Variants in LARGE1 observed in about 807,000 individuals in gnomAD.
The protein encoded by LARGE1 is xylosyl- and glucuronyltransferase LARGE1.
A neutral mutation model predicts 87.6 loss-of-function variants in LARGE1; 43 were observed. The ratio of observed to expected loss-of-function variants is 0.49; its 90% confidence interval spans 0.38 to 0.63. LARGE1 has a LOEUF of 0.63. Ranked by LOEUF, LARGE1 falls within the 30% of genes least tolerant of loss-of-function variation. The pLI is 0.00. For synonymous variants in LARGE1, 434 were observed against 394.6 expected (o/e 1.10, Z -1.18); for missense variants, 802 against 1,000.2 (o/e 0.80, Z 2.67).
intron 7 of LARGE1, among the ~76,000 whole-genome samples, chr22:33,403,706 C>G (rs1016247043): frequency 6.6e-6 from 1 of 151,986 alleles, no homozygotes. Context: ...TGGGTTCAAG[C>G]GATTCTCCTG....
At chr22:33,536,694 T>C in intron 6 of LARGE1, among the ~76,000 whole-genome samples, 1 of 152,262 alleles carries the variant, frequency 6.6e-6, no homozygotes, top group East Asian at 1.9e-4. Context: ...GAAGGAGGTT[T>C]ACCCGATGAG....
chr22:33,100,337 G>A, the LARGE1 span, among the ~76,000 whole-genome samples: 3 of 132,586 alleles, frequency 2.3e-5, no homozygotes, highest in East Asian at 2.5e-4. Context: ...GTGATAGAAT[G>A]GGACTCCATC....
chr22:33,649,289 A>C (rs1025523516), intron 3 of LARGE1, among the ~76,000 whole-genome samples: 8 of 152,162 alleles, frequency 5.3e-5, no homozygotes, highest in African/African-American at 1.7e-4. Flanking sequence ...GTCTCATTGG[A>C]TAGTATCACC....
rs1361106062 is a variant in LARGE1 at position 33,709,628 on chromosome 22, CT to C, written c.106+51742del. Among the ~76,000 whole-genome samples the C allele has an allele frequency of 2.8e-3, 387 of 139,178 alleles. 1 individual carries two copies. The highest frequency in any genetic ancestry group is 3.2e-3 in the African/African-American group (119 of 37,074). The allele number at this position is 139,178 out of a possible 152,430, so 91.3% of individuals were successfully genotyped here. A position where few individuals can be genotyped will look rare whatever the true frequency, so the allele number is the denominator to read the frequency against. ...TACTCTCCATTTTAATTCTTTAATT[CT>C]TTTTTTTTTTTTTTGAGACGGAGTC... On this transcript the variant is annotated intron_variant, in intron 2 of 14. Transcript: ENST00000397394.
At chr22:33,120,894 G>A in the LARGE1 span, among the ~76,000 whole-genome samples, 1 of 151,990 alleles carries the variant, frequency 6.6e-6, no homozygotes, top group African/African-American at 2.4e-5. Flanking sequence ...TTATGCAGGG[G>A]CTCATCTTTG....
chr22:33,163,146 A>T (rs537927160), exon 12 of LARGE1: 1 of 152,370 alleles, frequency 6.6e-6, no homozygotes, highest in South Asian at 2.1e-4. Context: ...GATGCATCAT[A>T]TAAATTATCA....
intron 2 of LARGE1, among the ~76,000 whole-genome samples, chr22:33,748,111 G>A (rs1328757441): frequency 6.7e-6 from 1 of 148,334 alleles, no homozygotes; most frequent in Non-Finnish European, 1.5e-5. Flanking sequence ...GCATGGCCAG[G>A]GTTCTTCCTA....
intron 6 of LARGE1, among the ~76,000 whole-genome samples, chr22:33,464,885 A>G (rs1601957359): frequency 1.3e-5 from 1 of 79,534 alleles, no homozygotes; most frequent in African/African-American, 8.6e-5. Flanking sequence ...ACACACATGC[A>G]CACACATACA....
Position 33,553,815 on chromosome 22 carries a change from A to G in LARGE1, c.787+11033T>C, listed in dbSNP as rs547221619. Among the ~76,000 whole-genome samples the G allele has an allele frequency of 2.0e-5, 3 of 152,194 alleles. No homozygotes were observed. The South Asian group carries it at 6.2e-4, about 32-fold the overall frequency. Reference sequence around the variant, plus strand: ...TGGGAAAGGGAGTGGGGAAAGAAACATCTCACATCTACCTCCAGAGATGTC... The same window carrying G: ...TGGGAAAGGGAGTGGGGAAAGAAACGTCTCACATCTACCTCCAGAGATGTC... On this transcript the variant is annotated intron_variant, in intron 6 of 14. Transcript: ENST00000397394.
At chr22:33,560,737 G>T (rs1178907038) in intron 6 of LARGE1, among the ~76,000 whole-genome samples, 2 of 152,130 alleles carry the variant, frequency 1.3e-5, no homozygotes, top group Admixed American at 6.6e-5. Flanking sequence ...AAGCCGTATG[G>T]ATTGGGGTTC....
chr22:33,583,805 G>C (rs1426628238), intron 5 of LARGE1, among the ~76,000 whole-genome samples: 1 of 152,118 alleles, frequency 6.6e-6, no homozygotes, highest in Non-Finnish European at 1.5e-5. Context: ...TCCCCCATAA[G>C]AACACACTTT....
At chr22:33,438,739 G>A (rs919319567) in intron 6 of LARGE1, among the ~76,000 whole-genome samples, 4 of 152,222 alleles carry the variant, frequency 2.6e-5, no homozygotes, top group African/African-American at 9.6e-5. Flanking sequence ...GTATAAAGAA[G>A]GCAGCATGAT....
intron 1 of LARGE1, among the ~76,000 whole-genome samples, chr22:33,918,479 G>C (rs1043295333): frequency 2.8e-4 from 42 of 152,206 alleles, no homozygotes; most frequent in Admixed American, 1.2e-3. Context: ...CTCGATAAAT[G>C]TGTTCTCCAC....
chr22:33,382,107 T>G, intron 8 of LARGE1, 63 bp from the exon 9 acceptor site: 2 of 1,607,034 alleles, frequency 1.2e-6, no homozygotes, highest in Admixed American at 3.3e-5. Context: ...CCATTTTGGC[T>G]CTCAAGGCAC....
chr22:33,464,130 T>C (rs538681691), intron 6 of LARGE1, among the ~76,000 whole-genome samples: 1 of 152,202 alleles, frequency 6.6e-6, no homozygotes, highest in African/African-American at 2.4e-5. Flanking sequence ...CCAATGGAAC[T>C]TATTCATTCA....
chr22:33,239,924 A>G lies in LARGE1; in HGVS notation c.1730+64305T>C, dbSNP rs558976491. Among the ~76,000 whole-genome samples the G allele has an allele frequency of 3.3e-5, 5 of 152,304 alleles. No individual in the cohort carries two copies. The South Asian group carries it at 1.0e-3, about 32-fold the overall frequency. On this transcript the variant is annotated intron_variant, in intron 11 of 11. Coordinates refer to the LARGE1 transcript ENST00000608642. Reference sequence around the variant, plus strand: ...CTAGCACTAATCTTATGTCAGTTAAATGCATAGCAAATATCTCCTGACGTG... The same window carrying G: ...CTAGCACTAATCTTATGTCAGTTAAGTGCATAGCAAATATCTCCTGACGTG...
chr22:33,471,608 A>C (rs1045431836), intron 6 of LARGE1, among the ~76,000 whole-genome samples: 1 of 152,090 alleles, frequency 6.6e-6, no homozygotes, highest in Non-Finnish European at 1.5e-5. Context: ...ATGCTGAATA[A>C]CTGGTTGGGA....
chr22:33,068,360 T>G, the LARGE1 span, among the ~76,000 whole-genome samples: 35 of 152,208 alleles, frequency 2.3e-4, 1 homozygote, highest in South Asian at 6.9e-3. Flanking sequence ...ACAGACAGAG[T>G]TGGGGCCGGG....
At chr22:33,294,394 G>A (rs1016240073) in intron 12 of LARGE1, among the ~76,000 whole-genome samples, 19 of 152,162 alleles carry the variant, frequency 1.2e-4, no homozygotes, top group Admixed American at 3.3e-4. Flanking sequence ...AACCTGAGTC[G>A]TAAGAAATCC....
Sources: gnomAD v4.1 joint callset for allele counts (sites outside exome capture counted in the v4.1 genomes callset) on GRCh38, gnomAD v4.1.1 for gene constraint, MANE v1.5 for transcripts, NCBI Gene and HGNC (gene_info 2026-07-23, HGNC 2026-07-21) for gene names.